Variants in CA10 observed in about 807,000 individuals in gnomAD.
CA10 encodes the protein carbonic anhydrase-related protein 10.
A neutral mutation model predicts 44.2 loss-of-function variants in CA10; 14 were observed. That is an observed-to-expected ratio of 0.32 (90% confidence interval 0.21 to 0.50). CA10 has a LOEUF of 0.50. Among genes scored for constraint, CA10 ranks in the 20% least tolerant of loss-of-function variants. CA10 has a pLI of 0.99. For synonymous variants in CA10, 159 were observed against 141.6 expected, an observed-to-expected ratio of 1.12 and a Z score of -0.87; for missense variants, 350 against 409.7, an observed-to-expected ratio of 0.85 and a Z score of 1.26.
At chr17:51,684,151 C>T (rs1914933985) in intron 4 of CA10, among the ~76,000 whole-genome samples, 3 of 152,236 alleles carry the variant, frequency 2.0e-5, no homozygotes, top group Non-Finnish European at 2.9e-5. Context: ...AGGGAGAGCA[C>T]AGAAGATGTA....
chr17:52,070,088 G>A (rs1987640061), intron 2 of CA10, among the ~76,000 whole-genome samples: 1 of 152,150 alleles, frequency 6.6e-6, no homozygotes, highest in Non-Finnish European at 1.5e-5. Context: ...AAATTCTCAT[G>A]ACTCTTATCC....
At chr17:51,689,545 T>C (rs959430525) in intron 4 of CA10, among the ~76,000 whole-genome samples, 4 of 152,226 alleles carry the variant, frequency 2.6e-5, no homozygotes, top group East Asian at 3.9e-4. Context: ...TTTGAAATAA[T>C]AATGGGGTTA....
chr17:51,712,149 G>A (rs78769617), intron 4 of CA10, among the ~76,000 whole-genome samples: 5,030 of 152,312 alleles, frequency 0.033, 305 homozygotes, highest in African/African-American at 0.11. Context: ...CAACAAATGT[G>A]TGTTAAGTGA....
At chr17:52,016,994 C>G (rs1047330247) in intron 2 of CA10, among the ~76,000 whole-genome samples, 1 of 152,124 alleles carries the variant, frequency 6.6e-6, no homozygotes. Flanking sequence ...ATTTGACCAG[C>G]TTCTCCTTTG....
intron 1 of CA10, among the ~76,000 whole-genome samples, chr17:52,096,982 G>A (rs1041529379): frequency 6.6e-6 from 1 of 152,116 alleles, no homozygotes; most frequent in Non-Finnish European, 1.5e-5. Flanking sequence ...AAATGATCAT[G>A]GATTTGTCCA....
intron 3 of CA10, among the ~76,000 whole-genome samples, chr17:51,791,357 T>C (rs1906511754): frequency 6.6e-6 from 1 of 152,246 alleles, no homozygotes; most frequent in African/African-American, 2.4e-5. Flanking sequence ...CATATTTCTA[T>C]CTTCATTTAC....
chr17:51,905,491 T>G (rs1245419278), intron 3 of CA10, among the ~76,000 whole-genome samples: 1 of 151,064 alleles, frequency 6.6e-6, no homozygotes, highest in Non-Finnish European at 1.5e-5. Context: ...CCTCCTTACC[T>G]GCTTAGAGTT....
At chr17:51,808,270 A>G (rs1391375332) in intron 3 of CA10, among the ~76,000 whole-genome samples, 1 of 152,204 alleles carries the variant, frequency 6.6e-6, no homozygotes, top group Non-Finnish European at 1.5e-5. Flanking sequence ...ATTGCAATAA[A>G]TGTTTATCTA....
At chr17:52,131,845 T>A (rs996820793) in intron 1 of CA10, among the ~76,000 whole-genome samples, 7 of 152,134 alleles carry the variant, frequency 4.6e-5, no homozygotes, top group Admixed American at 1.3e-4. Context: ...AAATGATGAG[T>A]TCATGTCCTT....
chr17:52,114,710 TA>T (rs1397294556), intron 1 of CA10, among the ~76,000 whole-genome samples: 1 of 152,186 alleles, frequency 6.6e-6, no homozygotes, highest in Non-Finnish European at 1.5e-5. Flanking sequence ...ATCAATTTGG[TA>T]GTCTTCTTTC....
chr17:52,049,458 AAAGT>A (rs1220296897), intron 2 of CA10, among the ~76,000 whole-genome samples: 2 of 152,152 alleles, frequency 1.3e-5, no homozygotes, highest in Non-Finnish European at 2.9e-5. Context: ...TGCCTGGCAC[AAAGT>A]AAGTGTTTTA....
chr17:51,745,312 A>G (rs1245037908), intron 4 of CA10, among the ~76,000 whole-genome samples: 1 of 152,180 alleles, frequency 6.6e-6, no homozygotes, highest in Non-Finnish European at 1.5e-5. Flanking sequence ...CCTGGATCCT[A>G]TATCCTGAGA....
intron 6 of CA10, among the ~76,000 whole-genome samples, chr17:51,645,249 C>A (rs574201947): frequency 1.3e-5 from 2 of 152,186 alleles, no homozygotes; most frequent in Non-Finnish European, 1.5e-5. Flanking sequence ...CTATTCTCAA[C>A]CAAGCAATGA....
chr17:51,795,923 G>C (rs1906686849), intron 3 of CA10, among the ~76,000 whole-genome samples: 1 of 152,164 alleles, frequency 6.6e-6, no homozygotes, highest in South Asian at 2.1e-4. Context: ...AAGTGAGAGA[G>C]AATTCAAAGC....
At chr17:51,825,155 A>G (rs932415691) in intron 3 of CA10, among the ~76,000 whole-genome samples, 1 of 152,252 alleles carries the variant, frequency 6.6e-6, no homozygotes, top group African/African-American at 2.4e-5. Flanking sequence ...TCTCAGCTCA[A>G]TCAGAGCCTC....
intron 4 of CA10, among the ~76,000 whole-genome samples, chr17:51,689,940 C>G (rs1411581956): frequency 6.7e-6 from 1 of 150,308 alleles, no homozygotes; most frequent in Non-Finnish European, 1.5e-5. Context: ...CACTTAAAAT[C>G]TACTCTTACC....
intron 3 of CA10, among the ~76,000 whole-genome samples, chr17:51,798,985 G>C (rs1416151341): frequency 6.6e-6 from 1 of 152,172 alleles, no homozygotes; most frequent in African/African-American, 2.4e-5. Context: ...CAAATGCACA[G>C]GGTGGGGAAA....
intron 1 of CA10, among the ~76,000 whole-genome samples, chr17:52,091,357 T>C (rs746999189): frequency 6.6e-6 from 1 of 152,062 alleles, no homozygotes; most frequent in African/African-American, 2.4e-5. Flanking sequence ...CCCGAACCAG[T>C]GAACTAGATT....
chr17:51,947,414 T>G (rs1983325499), intron 2 of CA10, among the ~76,000 whole-genome samples: 1 of 151,982 alleles, frequency 6.6e-6, no homozygotes, highest in Non-Finnish European at 1.5e-5. Flanking sequence ...AGTGTAGATG[T>G]GACCTTGCCG....
Sources: allele counts gnomAD v4.1 joint callset (sites outside exome capture counted in the v4.1 genomes callset), GRCh38; gene constraint gnomAD v4.1.1; transcripts MANE v1.5; gene names NCBI Gene and HGNC (gene_info 2026-07-23, HGNC 2026-07-21).